RBFOX3: variants seen among roughly 807,000 people sequenced by gnomAD.
The protein encoded by RBFOX3 is RNA binding protein fox-1 homolog 3.
In RBFOX3, 17 loss-of-function variants were observed where a neutral mutation model predicts 48.7. That is an observed-to-expected ratio of 0.35 (90% CI 0.24 to 0.52). The LOEUF (loss-of-function observed/expected upper bound fraction) is 0.52. RBFOX3 is among the 20% of genes least tolerant of loss of function. The pLI is 0.94. For missense variants in RBFOX3, 382 were observed against 497.5 expected (o/e 0.77, Z 2.21); for synonymous variants, 212 against 209.5 (o/e 1.01, Z -0.10).
At chr17:79,258,507 G>A (rs933874736) in intron 3 of RBFOX3, among the ~76,000 whole-genome samples, 1 of 152,156 alleles carries the variant, frequency 6.6e-6, no homozygotes, top group African/African-American at 2.4e-5. Flanking sequence ...TTCCCACGGG[G>A]GTCCCTGTCT....
intron 1 of RBFOX3, among the ~76,000 whole-genome samples, chr17:79,536,169 C>A (rs1047605953): frequency 1.6e-4 from 24 of 152,178 alleles, no homozygotes; most frequent in African/African-American, 5.8e-4. Flanking sequence ...CTCTGCCTTC[C>A]AGGCTCAAGC....
intron 2 of RBFOX3, among the ~76,000 whole-genome samples, chr17:79,403,926 C>T (rs1157064257): frequency 3.3e-5 from 5 of 152,042 alleles, no homozygotes; most frequent in Non-Finnish European, 7.4e-5. Flanking sequence ...ACTACAGGCG[C>T]CCGCCACCAC....
chr17:79,557,998 C>T (rs2091906736), intron 1 of RBFOX3, among the ~76,000 whole-genome samples: 1 of 152,162 alleles, frequency 6.6e-6, no homozygotes, highest in Non-Finnish European at 1.5e-5. Context: ...AGAAAAATTA[C>T]AAACACTCAA....
chr17:79,600,183 T>A (rs2093672096), intron 1 of RBFOX3: 1 of 152,238 alleles, frequency 6.6e-6, no homozygotes, highest in Non-Finnish European at 1.5e-5. Flanking sequence ...TACCAATACA[T>A]GACACACACA....
At chr17:79,344,002 G>A (rs141987348) in intron 2 of RBFOX3, among the ~76,000 whole-genome samples, 1 of 152,318 alleles carries the variant, frequency 6.6e-6, no homozygotes, top group African/African-American at 2.4e-5. Context: ...AGAGATGCCA[G>A]GAAGATGCCA....
rs146527773 is a variant in RBFOX3 at position 79,321,788 on chromosome 17, C to A, written c.-174-13964G>T. ...TGGCACAATTTTGGCTCACTGCAACCTCTGCCTCCCCGGTTCAAGCAAATC... is the reference window on the plus strand; with the variant it reads ...TGGCACAATTTTGGCTCACTGCAACATCTGCCTCCCCGGTTCAAGCAAATC... On this transcript the variant is annotated intron_variant, in intron 2 of 14. Transcript: ENST00000693108. 5.8e-3 allele frequency among the ~76,000 whole-genome samples: 876 copies of A among 150,218 alleles called. 9 individuals are homozygous for A. Among genetic ancestry groups the A allele is most frequent in the African/African-American group, 0.02 (822 of 40,714 alleles).
chr17:79,231,313 G>A (rs539703236), intron 4 of RBFOX3, among the ~76,000 whole-genome samples: 1 of 152,284 alleles, frequency 6.6e-6, no homozygotes, highest in Admixed American at 6.5e-5. Flanking sequence ...CCCCCTGGAG[G>A]GATGAAGGAC....
intron 1 of RBFOX3, among the ~76,000 whole-genome samples, chr17:79,560,979 C>A (rs1202046002): frequency 6.6e-6 from 1 of 152,116 alleles, no homozygotes; most frequent in Non-Finnish European, 1.5e-5. Context: ...GCATTTGGAC[C>A]CCAGCCAACT....
chr17:79,212,441 C>T lies in RBFOX3; in HGVS notation c.-34+23325G>A, dbSNP rs1020278966. On this transcript the variant is annotated intron_variant, in intron 4 of 14. Transcript: ENST00000693108. This position sits in a 1 kb window ranked among gnomAD's most constrained non-coding sequence, Gnocchi z 4.7. ...GCTGCCCGTTCCCAATTTCTCCTTC[C>T]TGTAGGACTGCTGCAGGGGCCACCC... Among the ~76,000 whole-genome samples the T allele has an allele frequency of 5.9e-5, 9 of 152,180 alleles. No homozygotes were observed. The highest frequency in any genetic ancestry group is 6.5e-5 in the Admixed American group (1 of 15,286).
At chr17:79,127,275 G>A (rs2037539698) in intron 4 of RBFOX3, among the ~76,000 whole-genome samples, 1 of 152,304 alleles carries the variant, frequency 6.6e-6, no homozygotes, top group South Asian at 2.1e-4. Flanking sequence ...AGCTGTGCCT[G>A]CCCAGGTGGC....
intron 3 of RBFOX3, among the ~76,000 whole-genome samples, chr17:79,275,117 T>C (rs1410399284): frequency 1.6e-5 from 2 of 127,822 alleles, no homozygotes; most frequent in African/African-American, 3.1e-5. Flanking sequence ...TCTCTCTCCA[T>C]GTCTCCCTCT....
At chr17:79,338,548 C>T (rs542883961) in intron 2 of RBFOX3, among the ~76,000 whole-genome samples, 93 of 152,244 alleles carry the variant, frequency 6.1e-4, no homozygotes, top group African/African-American at 2.0e-3. Context: ...GGCACCGCAC[C>T]GCTGCTATTA....
chr17:79,401,272 C>T (rs986895378), intron 2 of RBFOX3, among the ~76,000 whole-genome samples: 6 of 152,208 alleles, frequency 3.9e-5, no homozygotes, highest in Non-Finnish European at 7.3e-5. Context: ...GCGGGAGCCA[C>T]GCCCCTGCGC....
intron 2 of RBFOX3, among the ~76,000 whole-genome samples, chr17:79,456,195 G>A (rs1555744890): frequency 1.3e-5 from 2 of 152,182 alleles, no homozygotes; most frequent in African/African-American, 2.4e-5. Context: ...CTCTCACGCA[G>A]TCTTTCTTTC....
chr17:79,627,424 C>T, the RBFOX3 span, among the ~76,000 whole-genome samples: 5 of 152,308 alleles, frequency 3.3e-5, no homozygotes. Context: ...GCCTGGGAGC[C>T]GGGCTCAGCT....
chr17:79,623,044 A>G, the RBFOX3 span, among the ~76,000 whole-genome samples: 4 of 152,194 alleles, frequency 2.6e-5, no homozygotes, highest in African/African-American at 7.2e-5. Context: ...ACACTCATGT[A>G]CACCTGACCG....
chr17:79,179,512 C>T (rs1243089134), intron 4 of RBFOX3, among the ~76,000 whole-genome samples: 1 of 152,130 alleles, frequency 6.6e-6, no homozygotes, highest in Non-Finnish European at 1.5e-5. Flanking sequence ...CCTCTCAGGG[C>T]CAGTCCCTCT....
intron 1 of RBFOX3, among the ~76,000 whole-genome samples, chr17:79,590,117 C>T (rs1481095918): frequency 6.6e-6 from 1 of 151,978 alleles, no homozygotes; most frequent in Non-Finnish European, 1.5e-5. Flanking sequence ...CTTGGCTTTG[C>T]CCCAACACCG....
intron 2 of RBFOX3, among the ~76,000 whole-genome samples, chr17:79,452,321 G>A (rs1277362989): frequency 6.6e-6 from 1 of 152,182 alleles, no homozygotes; most frequent in Non-Finnish European, 1.5e-5. Context: ...CACCTCCGCT[G>A]CGGAGGAACG....
Sources: allele counts gnomAD v4.1 joint callset (sites outside exome capture counted in the v4.1 genomes callset), GRCh38; gene constraint gnomAD v4.1.1; non-coding constraint Gnocchi (gnomAD v3.1); transcripts MANE v1.5; gene names NCBI Gene and HGNC (gene_info 2026-07-23, HGNC 2026-07-21).